SPTLC3: variants seen among roughly 807,000 people sequenced by gnomAD.
SPTLC3 encodes serine palmitoyltransferase 3.
In SPTLC3, 36 loss-of-function variants were observed where a neutral mutation model predicts 59.3. The ratio of observed to expected loss-of-function variants is 0.61; its 90% confidence interval spans 0.47 to 0.80. SPTLC3 has a LOEUF of 0.80. Among genes scored for constraint, SPTLC3 ranks in the 30% least tolerant of loss-of-function variants. SPTLC3 has a pLI of 0.00. For missense variants in SPTLC3, 625 were observed against 685.1 expected (o/e 0.91, Z 0.98); for synonymous variants, 257 against 240.8 (o/e 1.07, Z -0.62).
chr20:13,099,684 G>C (rs1297454187), intron 6 of SPTLC3, among the ~76,000 whole-genome samples: 1 of 152,214 alleles, frequency 6.6e-6, no homozygotes, highest in Non-Finnish European at 1.5e-5. Context: ...GACAGGGAAA[G>C]AACTGAATGG....
chr20:13,091,038 T>C (rs1600269583), intron 4 of SPTLC3, 45 bp from the exon 5 acceptor site: 1 of 1,606,920 alleles, frequency 6.2e-7, no homozygotes, highest in Middle Eastern at 1.7e-4. Flanking sequence ...AATCTTGGCC[T>C]TGTTGAAAAG....
chr20:13,035,586 A>G (rs2122450303), intron 1 of SPTLC3, among the ~76,000 whole-genome samples: 1 of 152,320 alleles, frequency 6.6e-6, no homozygotes, highest in South Asian at 2.1e-4. Flanking sequence ...GTATCAACCA[A>G]TAAACTGCTA....
intron 1 of SPTLC3, among the ~76,000 whole-genome samples, chr20:13,013,536 T>C (rs763231970): frequency 1.3e-5 from 2 of 152,246 alleles, no homozygotes; most frequent in Non-Finnish European, 2.9e-5. Context: ...CTAATGCCTT[T>C]GTTTCTTGGC....
Position 13,027,598 on chromosome 20 carries a change from A to G in SPTLC3, c.117+18214A>G, listed in dbSNP as rs180912544. Among the ~76,000 whole-genome samples, 559 of 151,812 alleles carry G rather than the reference A, an allele frequency of 3.7e-3. 4 individuals are homozygous for G. The highest frequency in any genetic ancestry group is 0.013 in the African/African-American group (540 of 41,362). ...CCCCTCATAAGAACAGGAAGGAAGGAAAAAAATCAGAGCCTCTGTTCTTCA... is the reference window on the plus strand; with the variant it reads ...CCCCTCATAAGAACAGGAAGGAAGGGAAAAAATCAGAGCCTCTGTTCTTCA... On this transcript the variant is annotated intron_variant, in intron 1 of 11. Transcript: ENST00000399002.
chr20:13,105,882 T>C (rs1375564932), intron 6 of SPTLC3, among the ~76,000 whole-genome samples: 2 of 152,150 alleles, frequency 1.3e-5, no homozygotes, highest in East Asian at 1.9e-4. Flanking sequence ...TAAAAGATTA[T>C]AGGAAAGGAA....
intron 9 of SPTLC3, among the ~76,000 whole-genome samples, chr20:13,145,558 C>G (rs556362557): frequency 1.4e-4 from 21 of 152,246 alleles, no homozygotes; most frequent in African/African-American, 4.8e-4. Context: ...AATGGCTATA[C>G]TGCCCAAAGC....
chr20:13,156,504 G>A (rs2038771614), intron 10 of SPTLC3, among the ~76,000 whole-genome samples: 1 of 152,202 alleles, frequency 6.6e-6, no homozygotes, highest in Admixed American at 6.5e-5. Flanking sequence ...TCTTGGACAA[G>A]TTACTCAGCT....
chr20:13,093,725 C>A, intron 6 of SPTLC3, 148 bp downstream of exon 6: 1 of 654,868 alleles, frequency 1.5e-6, no homozygotes, highest in Non-Finnish European at 2.5e-6. Flanking sequence ...GCTTGTTAAC[C>A]TCTGGTGACC....
intron 9 of SPTLC3, among the ~76,000 whole-genome samples, chr20:13,148,430 G>A (rs563073571): frequency 6.6e-5 from 10 of 152,132 alleles, no homozygotes; most frequent in Admixed American, 2.0e-4. Flanking sequence ...GGGTGGGGTC[G>A]ACAGGGAGGT....
chr20:13,093,420 C>A, intron 5 of SPTLC3, 64 bp from the exon 6 acceptor site: 1 of 1,464,240 alleles, frequency 6.8e-7, no homozygotes. Flanking sequence ...TTCCTGTCCC[C>A]ACAAGTTGTT....
intron 1 of SPTLC3, among the ~76,000 whole-genome samples, chr20:13,013,430 C>T (rs1270935699): frequency 1.3e-5 from 2 of 152,196 alleles, no homozygotes; most frequent in Non-Finnish European, 2.9e-5. Context: ...TCAATATTCT[C>T]TCCAATTACT....
chr20:13,009,433 A>AT, intron 1 of SPTLC3, 49 bp downstream of exon 1: 1 of 1,502,084 alleles, frequency 6.7e-7, no homozygotes, highest in Non-Finnish European at 9.2e-7. Flanking sequence ...GAACGTTTCA[A>AT]TATTTCTCTG....
chr20:13,088,699 A>G (rs1193570032), intron 4 of SPTLC3, among the ~76,000 whole-genome samples: 9 of 147,738 alleles, frequency 6.1e-5, no homozygotes, highest in Non-Finnish European at 1.2e-4. Flanking sequence ...GCTCACCGCA[A>G]CCTCTGCCTC....
At chr20:13,084,987 C>T (rs1445513149) in intron 4 of SPTLC3, among the ~76,000 whole-genome samples, 2 of 152,144 alleles carry the variant, frequency 1.3e-5, no homozygotes, top group Non-Finnish European at 2.9e-5. Flanking sequence ...CTGTGCCCCA[C>T]TTAAGGTTTT....
At chr20:13,100,571 A>G (rs755157846) in intron 6 of SPTLC3, among the ~76,000 whole-genome samples, 1 of 151,972 alleles carries the variant, frequency 6.6e-6, no homozygotes, top group Non-Finnish European at 1.5e-5. Context: ...TTCTTAAACA[A>G]TAACAACAAC....
intron 11 of SPTLC3, 47 bp downstream of exon 11, chr20:13,160,179 T>C (rs2038866389): frequency 6.4e-7 from 1 of 1,560,598 alleles, no homozygotes; most frequent in Admixed American, 1.8e-5. Context: ...GTACCTTGGA[T>C]TCAAAGCAAG....
intron 2 of SPTLC3, among the ~76,000 whole-genome samples, chr20:13,067,358 T>C (rs1988262442): frequency 6.6e-6 from 1 of 152,080 alleles, no homozygotes; most frequent in Non-Finnish European, 1.5e-5. Flanking sequence ...AGCTCTTCAC[T>C]CTCAACTTGA....
chr20:13,100,916 G>C (rs1223043100), intron 6 of SPTLC3, among the ~76,000 whole-genome samples: 5 of 152,184 alleles, frequency 3.3e-5, no homozygotes, highest in Admixed American at 1.3e-4. Flanking sequence ...CAGACCTTGA[G>C]ACACGGATGT....
At chr20:13,136,313 T>G (rs887041412) in intron 9 of SPTLC3, among the ~76,000 whole-genome samples, 14 of 152,074 alleles carry the variant, frequency 9.2e-5, no homozygotes, top group Admixed American at 6.6e-4. Flanking sequence ...ATAGAGGAAT[T>G]TGGCCAGGTG....
Sources: allele counts gnomAD v4.1 joint callset (sites outside exome capture counted in the v4.1 genomes callset), GRCh38; gene constraint gnomAD v4.1.1; transcripts MANE v1.5; gene names NCBI Gene and HGNC (gene_info 2026-07-23, HGNC 2026-07-21).